RREB1: variants seen among roughly 807,000 people sequenced by gnomAD.
RREB1 encodes the protein ras responsive element binding protein 1, also known as ras-responsive element-binding protein 1.
In RREB1, 27 loss-of-function variants were observed where a neutral mutation model predicts 117.8. The observed-to-expected ratio is 0.23, with a 90% CI of 0.17 to 0.32. The LOEUF is 0.32. Ranked by LOEUF, RREB1 falls within the 10% of genes least tolerant of loss-of-function variation. RREB1 has a pLI of 1.00. For synonymous variants in RREB1, 1,298 were observed against 1,026.7 expected, an observed-to-expected ratio of 1.26 and a Z score of -5.05; for missense variants, 2,577 against 2,378.2, an observed-to-expected ratio of 1.08 and a Z score of -1.74.
chr6:7,151,617 G>T (rs1763126720), intron 1 of RREB1, among the ~76,000 whole-genome samples: 1 of 152,222 alleles, frequency 6.6e-6, no homozygotes, highest in Non-Finnish European at 1.5e-5. Context: ...TGAGATTTAG[G>T]TGCAAGTTGG....
chr6:7,134,320 G>A (rs1196243880), intron 1 of RREB1, among the ~76,000 whole-genome samples: 5 of 152,172 alleles, frequency 3.3e-5, no homozygotes, highest in South Asian at 2.1e-4. Context: ...AAGTCCTTTC[G>A]CTAGAGGGTT....
At chr6:7,237,049 A>G (rs1768378151) in intron 10 of RREB1, among the ~76,000 whole-genome samples, 1 of 151,520 alleles carries the variant, frequency 6.6e-6, no homozygotes, top group South Asian at 2.1e-4. Context: ...CAGCTTCCCA[A>G]GTAGCTGGGA....
intron 4 of RREB1, chr6:7,183,931 G>C (rs1764935113): frequency 6.6e-6 from 1 of 152,234 alleles, no homozygotes; most frequent in Non-Finnish European, 1.5e-5. Context: ...ACAGCCGGAT[G>C]CTGACAAGGG....
In RREB1 at chr6:7,248,723, A is replaced by G. The variant is rs767996104; in HGVS notation, c.4984A>G (p.Asn1662Asp). ...AGAGAACGAGGCTGAGCTGGCTCCC[A>G]ATGCCAGCAACCACATGGCTGTCAC... ...VSENEAELAP[N>D]ASNHMAVTRS... The change falls in exon 13 of 13, where the codon AAT becomes GAT. Residue 1662 changes from asparagine (N) to aspartate (D), a missense_variant. Asn to Asp is a conservative substitution (Grantham distance 23). Transcript: ENST00000379938. 7 of 1,614,168 alleles carry G rather than the reference A, an allele frequency of 4.3e-6. No individual in the cohort carries two copies. Among genetic ancestry groups the G allele is most frequent in the East Asian group, 2.2e-5 (1 of 44,878 alleles).
Position 7,251,815 on chromosome 6 carries a change from G to C in RREB1, c.*2847G>C, listed in dbSNP as rs1769422671. On this transcript the variant is annotated 3_prime_UTR_variant, in exon 13 of 13. Coordinates refer to ENST00000379938, the MANE Select transcript of RREB1 (RefSeq NM_001003699.4). Reference sequence around the variant, plus strand: ...CTTAAAAACTGCTGCTACATGTTATGTACAAAACTGGTTTATGCCACATGA... The same window carrying C: ...CTTAAAAACTGCTGCTACATGTTATCTACAAAACTGGTTTATGCCACATGA... The C allele has an allele frequency of 6.6e-6, 1 of 152,178 alleles. No individual in the cohort carries two copies. Among genetic ancestry groups the C allele is most frequent in the Admixed American group, 6.5e-5 (1 of 15,276 alleles). 9.4% of individuals were successfully genotyped at this position (152,178 alleles called of 1,614,324 possible).
At chr6:7,186,184 C>G (rs1765073011) in intron 4 of RREB1, among the ~76,000 whole-genome samples, 1 of 152,248 alleles carries the variant, frequency 6.6e-6, no homozygotes, top group Non-Finnish European at 1.5e-5. Context: ...TGGGTTAACA[C>G]TGACATCTTC....
At chr6:7,167,310 T>C (rs1763985237) in intron 1 of RREB1, among the ~76,000 whole-genome samples, 1 of 152,124 alleles carries the variant, frequency 6.6e-6, no homozygotes, top group Non-Finnish European at 1.5e-5. Context: ...AGCCAAATTA[T>C]ATTTATTTTA....
chr6:7,176,137 G>A (rs1006768894), intron 1 of RREB1, among the ~76,000 whole-genome samples: 6 of 152,142 alleles, frequency 3.9e-5, no homozygotes, highest in African/African-American at 7.2e-5. Flanking sequence ...GGCTGGTCTC[G>A]AACTCCTGAG....
chr6:7,133,293 G>C (rs548474379), intron 1 of RREB1, among the ~76,000 whole-genome samples: 1 of 152,304 alleles, frequency 6.6e-6, no homozygotes, highest in African/African-American at 2.4e-5. Flanking sequence ...CAGGTGCCTG[G>C]ACGGGCTTGT....
At chr6:7,145,669 CAGG>C (rs1762822655) in intron 1 of RREB1, among the ~76,000 whole-genome samples, 1 of 151,728 alleles carries the variant, frequency 6.6e-6, no homozygotes, top group African/African-American at 2.4e-5. Flanking sequence ...TTTGCAGGGT[CAGG>C]AGGAGAATTG....
intron 6 of RREB1, among the ~76,000 whole-genome samples, chr6:7,199,103 T>C (rs1385627055): frequency 6.6e-6 from 1 of 152,242 alleles, no homozygotes; most frequent in Non-Finnish European, 1.5e-5. Context: ...CTTTTGTTTT[T>C]ACTTCAGTAG....
At chr6:7,209,697 C>G (rs1057086839) in intron 6 of RREB1, among the ~76,000 whole-genome samples, 1 of 151,794 alleles carries the variant, frequency 6.6e-6, no homozygotes, top group Admixed American at 6.6e-5. Flanking sequence ...TGCACTCCAG[C>G]CTGGGCGACA....
At chr6:7,118,938 T>C (rs922682425) in intron 1 of RREB1, among the ~76,000 whole-genome samples, 1 of 149,270 alleles carries the variant, frequency 6.7e-6, no homozygotes, top group Non-Finnish European at 1.5e-5. Context: ...CGTGAGCCAC[T>C]GCACCTGGCC....
intron 1 of RREB1, among the ~76,000 whole-genome samples, chr6:7,141,547 A>C (rs932274798): frequency 4.6e-5 from 7 of 152,236 alleles, no homozygotes; most frequent in African/African-American, 1.7e-4. Flanking sequence ...TTGCATAGAC[A>C]TGAGCATGCC....
rs779279379 is a variant in RREB1 at position 7,232,549 on chromosome 6, G to GA, written c.3808+643dup. 3.3e-5 allele frequency among the ~76,000 whole-genome samples: 5 copies of GA among 152,184 alleles called. No individual in the cohort carries two copies. In the East Asian group the frequency reaches 7.7e-4, roughly 24 times the overall value. On this transcript the variant is annotated intron_variant, in intron 10 of 12. Transcript: ENST00000379938. ...TTATACTACAATTGTAAGCCTTTCT[G>GA]AGAAACTTCTCTCAGAAGGGCCTGG...
chr6:7,211,245 C>T (rs1049329345), intron 7 of RREB1, among the ~76,000 whole-genome samples: 1 of 149,810 alleles, frequency 6.7e-6, no homozygotes, highest in South Asian at 2.2e-4. Context: ...ACTCTTTTGT[C>T]CTCACTTTTT....
rs976777077 is a variant in RREB1, at chr6:7,194,008, A to T, written c.425+4686A>T. ...ATTCTCAACACAATTCTGTGCTGTT[A>T]TAGAACGTTATTTTCAATGTTAAAC... On this transcript the variant is annotated intron_variant, in intron 6 of 12. Transcript: ENST00000379938. 2.0e-5 allele frequency among the ~76,000 whole-genome samples: 3 copies of T among 152,320 alleles called. No individual in the cohort carries two copies. The East Asian group carries it at 5.8e-4, about 29-fold the overall frequency.
intron 1 of RREB1, among the ~76,000 whole-genome samples, chr6:7,115,883 C>A (rs959829344): frequency 8.5e-5 from 13 of 152,186 alleles, no homozygotes; most frequent in African/African-American, 2.9e-4. Context: ...AGGAGTCTTA[C>A]TGCCGTCCTG....
intron 1 of RREB1, among the ~76,000 whole-genome samples, chr6:7,176,346 C>T (rs1019281852): frequency 4.6e-5 from 7 of 152,094 alleles, no homozygotes; most frequent in African/African-American, 1.4e-4. Context: ...TTAGGATGCA[C>T]GAAGCTCCCC....
Sources: gnomAD v4.1 joint callset for allele counts (sites outside exome capture counted in the v4.1 genomes callset) on GRCh38, gnomAD v4.1.1 for gene constraint, MANE v1.5 for transcripts, NCBI Gene and HGNC (gene_info 2026-07-23, HGNC 2026-07-21) for gene names.